The following GLIS3 variants were observed in gnomAD, a reference collection of about 807,000 sequenced individuals.
GLIS3 encodes zinc finger protein GLIS3.
A neutral mutation model predicts 78.6 loss-of-function variants in GLIS3; 53 were observed. That is an observed-to-expected ratio of 0.67 (90% confidence interval 0.54 to 0.85). The LOEUF is 0.85. Ranked by LOEUF, GLIS3 falls within the 40% of genes least tolerant of loss-of-function variation. GLIS3 has a pLI of 0.00. For missense variants in GLIS3, 1,703 were observed against 1,231.1 expected (o/e 1.38, Z -5.74); for synonymous variants, 684 against 509.9 (o/e 1.34, Z -4.60).
chr9:4,199,876 G>A (rs976607482), intron 2 of GLIS3, among the ~76,000 whole-genome samples: 2 of 151,980 alleles, frequency 1.3e-5, no homozygotes, highest in African/African-American at 4.8e-5. Flanking sequence ...TCTACACAAG[G>A]AACATACTCC....
At chr9:4,054,617 T>C (rs1241428224) in intron 4 of GLIS3, 29 of 328,716 alleles carry the variant, frequency 8.8e-5, no homozygotes, top group Non-Finnish European at 1.7e-5. Context: ...AAAGATCTAA[T>C]TGTCATTCTT....
At chr9:4,085,026 A>G (rs1014024101) in intron 4 of GLIS3, among the ~76,000 whole-genome samples, 8 of 152,012 alleles carry the variant, frequency 5.3e-5, no homozygotes, top group African/African-American at 1.9e-4. Flanking sequence ...GCACATAGAA[A>G]ATGATCTTGT....
chr9:4,143,461 G>C (rs1833964854), intron 2 of GLIS3, among the ~76,000 whole-genome samples: 1 of 152,038 alleles, frequency 6.6e-6, no homozygotes, highest in South Asian at 2.1e-4. Context: ...CAGCTACTCA[G>C]GAGGCTGAGG....
At chr9:3,978,916 A>C (rs1236573835) in intron 4 of GLIS3, among the ~76,000 whole-genome samples, 1 of 152,200 alleles carries the variant, frequency 6.6e-6, no homozygotes, top group Non-Finnish European at 1.5e-5. Flanking sequence ...AATAAAAAAT[A>C]CAGTATAACA....
intron 2 of GLIS3, among the ~76,000 whole-genome samples, chr9:4,135,218 G>T (rs909631680): frequency 1.1e-4 from 16 of 152,098 alleles, no homozygotes; most frequent in African/African-American, 3.6e-4. Flanking sequence ...TATCTTTATT[G>T]CTATTTTAAA....
chr9:4,466,713 G>C, the GLIS3 span, among the ~76,000 whole-genome samples: 1 of 152,196 alleles, frequency 6.6e-6, no homozygotes, highest in Non-Finnish European at 1.5e-5. Flanking sequence ...AGCTCCCAGC[G>C]TGAGCGACGC....
At chr9:4,155,802 G>A (rs758231213) in intron 2 of GLIS3, among the ~76,000 whole-genome samples, 3 of 152,042 alleles carry the variant, frequency 2.0e-5, no homozygotes, top group African/African-American at 2.4e-5. Context: ...ATGGGTGTAC[G>A]GTGGGACCTG....
At chr9:4,406,402 C>G in the GLIS3 span, among the ~76,000 whole-genome samples, 1 of 152,180 alleles carries the variant, frequency 6.6e-6, no homozygotes, top group Non-Finnish European at 1.5e-5. Context: ...CTTACTGCAA[C>G]CTCCACCTCC....
chr9:3,867,332 C>T (rs1820652557), intron 8 of GLIS3, among the ~76,000 whole-genome samples: 1 of 152,168 alleles, frequency 6.6e-6, no homozygotes, highest in Admixed American at 6.5e-5. Flanking sequence ...TCATCTATTT[C>T]CTTATAAGTG....
rs893522031 is a variant in GLIS3 at position 4,090,670 on chromosome 9, C to T, written c.1710+27098G>A. ...TTAGGCTGAAATTATGGCTCCACCA[C>T]TTGGTGGCCACGGCATCCAGTGTTC... On this transcript the variant is annotated intron_variant, in intron 4 of 10. Transcript: ENST00000381971. Among the ~76,000 whole-genome samples, 18 of 152,214 alleles carry T rather than the reference C, an allele frequency of 1.2e-4. 1 individual carries two copies. Among genetic ancestry groups the T allele is most frequent in the Admixed American group, 1.0e-3 (16 of 15,282 alleles).
intron 4 of GLIS3, among the ~76,000 whole-genome samples, chr9:4,107,743 C>T (rs1257106892): frequency 6.9e-6 from 1 of 145,308 alleles, no homozygotes; most frequent in Non-Finnish European, 1.5e-5. Context: ...CAGAAGAACA[C>T]AGGTTACCTA....
chr9:4,137,027 C>G (rs913836488), intron 2 of GLIS3, among the ~76,000 whole-genome samples: 2 of 152,108 alleles, frequency 1.3e-5, no homozygotes, highest in African/African-American at 4.8e-5. Context: ...CAAGATTAAT[C>G]TGGAAGAGAT....
chr9:4,321,418 T>C (rs1817525494), intron 2 of GLIS3, among the ~76,000 whole-genome samples: 1 of 14,338 alleles, frequency 7.0e-5, no homozygotes, highest in South Asian at 3.2e-3. Flanking sequence ...CTAGACTCCG[T>C]CTCAAAAAAA....
In GLIS3 at chr9:3,977,972, G is replaced by A. The variant is rs1270880202; in HGVS notation, c.1711-40783C>T. On this transcript the variant is annotated intron_variant, in intron 4 of 10. Transcript: ENST00000381971. The surrounding 1 kb of genome is among the most constrained non-coding windows in gnomAD (Gnocchi z 4.1). ...AGCGAAAGGCCAGTTGACACCGCTG[G>A]GTGCACCCTCCGCTGCTCCAAACCT... Among the ~76,000 whole-genome samples, 1 of 152,208 alleles carries A rather than the reference G, an allele frequency of 6.6e-6. No homozygotes were observed. Among genetic ancestry groups the A allele is most frequent in the Non-Finnish European group, 1.5e-5 (1 of 68,034 alleles).
intron 2 of GLIS3, among the ~76,000 whole-genome samples, chr9:4,265,141 C>T (rs1366997557): frequency 7.5e-6 from 1 of 133,602 alleles, no homozygotes; most frequent in Admixed American, 8.2e-5. Flanking sequence ...CACTGCACTC[C>T]AAACTGGGCA....
chr9:3,868,764 T>C (rs531569047), intron 8 of GLIS3, among the ~76,000 whole-genome samples: 1 of 151,506 alleles, frequency 6.6e-6, no homozygotes, highest in African/African-American at 2.4e-5. Context: ...GGTTACTCCC[T>C]AATTTCTACA....
chr9:4,264,457 C>G (rs771028310), intron 2 of GLIS3, among the ~76,000 whole-genome samples: 8 of 152,194 alleles, frequency 5.3e-5, no homozygotes, highest in Non-Finnish European at 8.8e-5. Context: ...TAAGTTACAT[C>G]ATGTTAATTC....
In GLIS3 at chr9:3,984,874, C is replaced by T. The variant is rs149577909; in HGVS notation, c.1711-47685G>A. On this transcript the variant is annotated intron_variant, in intron 4 of 10. Transcript: ENST00000381971. ...TAATAGTGAATGAGTCTCGCGAGATCTGATGGTTTTCAAAGTGGGAGTTTC... is the reference window on the plus strand; with the variant it reads ...TAATAGTGAATGAGTCTCGCGAGATTTGATGGTTTTCAAAGTGGGAGTTTC... Among the ~76,000 whole-genome samples the T allele has an allele frequency of 2.2e-3, 328 of 152,258 alleles. 2 individuals carry two copies. The highest frequency in any genetic ancestry group is 2.6e-3 in the Non-Finnish European group (176 of 68,012).
At chr9:4,060,025 A>G (rs901597845) in intron 4 of GLIS3, among the ~76,000 whole-genome samples, 1 of 152,072 alleles carries the variant, frequency 6.6e-6, no homozygotes, top group South Asian at 2.1e-4. Flanking sequence ...TTGAATTCCG[A>G]ATGCATCCTT....
Sources: allele counts gnomAD v4.1 joint callset (sites outside exome capture counted in the v4.1 genomes callset), GRCh38; gene constraint gnomAD v4.1.1; non-coding constraint Gnocchi (gnomAD v3.1); transcripts MANE v1.5; gene names NCBI Gene and HGNC (gene_info 2026-07-23, HGNC 2026-07-21).